The following PCDH7 variants were observed in gnomAD, a reference collection of about 807,000 sequenced individuals.
PCDH7 encodes the protein protocadherin-7.
PCDH7 carries 17 observed loss-of-function variants against 58.9 expected under a neutral mutation model. That is an observed-to-expected ratio of 0.29 (90% CI 0.20 to 0.43). The LOEUF (loss-of-function observed/expected upper bound fraction) is 0.43, where lower values mean the gene tolerates loss of function less well. Among genes scored for constraint, PCDH7 ranks in the 20% least tolerant of loss-of-function variants. PCDH7 has a pLI of 1.00. For missense variants in PCDH7, 1,274 were observed against 1,441.0 expected (o/e 0.88, Z 1.88); for synonymous variants, 664 against 616.4 (o/e 1.08, Z -1.14).
intron 3 of PCDH7, among the ~76,000 whole-genome samples, chr4:31,013,123 G>C (rs1397332702): frequency 6.7e-6 from 1 of 150,372 alleles, no homozygotes; most frequent in Non-Finnish European, 1.5e-5. Context: ...GGAGTTTGAG[G>C]CTGCAGTGAG....
rs536886904 is a variant in PCDH7 at position 30,760,981 on chromosome 4, G to A, written c.70+36385G>A. Among the ~76,000 whole-genome samples, 38 of 152,230 alleles carry A rather than the reference G, an allele frequency of 2.5e-4. No homozygotes were observed. In the South Asian group the frequency reaches 6.8e-3, roughly 27 times the overall value. On this transcript the variant is annotated intron_variant, in intron 1 of 3. Transcript: ENST00000509759. ...TTCCATTCAACTTGAAAAATGAGAC[G>A]TCTGTAAATTCTCCTTAATCTTGAT...
chr4:31,078,918 T>G (rs946359485), intron 3 of PCDH7, among the ~76,000 whole-genome samples: 6 of 151,906 alleles, frequency 3.9e-5, no homozygotes, highest in Non-Finnish European at 8.8e-5. Flanking sequence ...TAGGTCCACA[T>G]ATATGTGGAT....
At chr4:30,971,230 G>A (rs148185649) in intron 3 of PCDH7, among the ~76,000 whole-genome samples, 3 of 152,140 alleles carry the variant, frequency 2.0e-5, no homozygotes, top group African/African-American at 7.2e-5. Context: ...ATAATAAGCA[G>A]TATCTTAAGA....
intron 1 of PCDH7, among the ~76,000 whole-genome samples, chr4:30,799,050 C>T (rs1381610468): frequency 2.0e-5 from 3 of 152,154 alleles, no homozygotes; most frequent in Non-Finnish European, 4.4e-5. Flanking sequence ...TCTGGCAGTT[C>T]TGTGACAGTG....
At chr4:30,973,804 G>A (rs148499154) in intron 3 of PCDH7, among the ~76,000 whole-genome samples, 118 of 151,094 alleles carry the variant, frequency 7.8e-4, no homozygotes, top group African/African-American at 2.8e-3. Flanking sequence ...TCTCCATTTC[G>A]CCTCGAGAAA....
At chr4:31,049,667 C>T (rs1756583550) in intron 3 of PCDH7, among the ~76,000 whole-genome samples, 1 of 152,086 alleles carries the variant, frequency 6.6e-6, no homozygotes, top group Non-Finnish European at 1.5e-5. Flanking sequence ...GTTACAGGGT[C>T]AGACGCCTTC....
chr4:31,117,666 T>C (rs1302801779), intron 3 of PCDH7, among the ~76,000 whole-genome samples: 2 of 152,314 alleles, frequency 1.3e-5, no homozygotes, highest in Admixed American at 1.3e-4. Flanking sequence ...CTACATTTGT[T>C]CCTTGATAGA....
intron 3 of PCDH7, among the ~76,000 whole-genome samples, chr4:31,080,778 C>A (rs540930448): frequency 1.3e-5 from 2 of 152,214 alleles, no homozygotes; most frequent in South Asian, 4.1e-4. Flanking sequence ...GTGTCCCAAC[C>A]CAAATCTCAT....
rs116452048 is a variant in PCDH7, at chr4:31,110,351, C to T, written c.*8-32122C>T. ...TAATAAAATATCTCATAACCTCGTA[C>T]AAGTTTTAAATTGTGTTCATGATTT... On this transcript the variant is annotated intron_variant, in intron 3 of 3. Transcript: ENST00000509759. Among the ~76,000 whole-genome samples, 636 of 152,270 alleles carry T rather than the reference C, an allele frequency of 4.2e-3. 9 individuals carry two copies. Among genetic ancestry groups the T allele is most frequent in the African/African-American group, 0.015 (618 of 41,556 alleles).
intron 1 of PCDH7, among the ~76,000 whole-genome samples, chr4:30,840,076 G>A (rs1731015123): frequency 6.6e-6 from 1 of 151,744 alleles, no homozygotes; most frequent in Non-Finnish European, 1.5e-5. Flanking sequence ...GTTTGGAGGA[G>A]TAGGGGTAGT....
intron 3 of PCDH7, among the ~76,000 whole-genome samples, chr4:31,127,342 C>T (rs951326097): frequency 6.6e-5 from 10 of 152,086 alleles, no homozygotes; most frequent in African/African-American, 1.9e-4. Flanking sequence ...AGCGCAGACA[C>T]GTTTAACTAA....
At chr4:31,117,953 T>G (rs563723779) in intron 3 of PCDH7, among the ~76,000 whole-genome samples, 6 of 152,216 alleles carry the variant, frequency 3.9e-5, no homozygotes, top group Admixed American at 1.3e-4. Flanking sequence ...CCTGGAACAT[T>G]TCACTTAATT....
At chr4:30,900,172 TC>T (rs746889009) in intron 1 of PCDH7, among the ~76,000 whole-genome samples, 1 of 152,070 alleles carries the variant, frequency 6.6e-6, no homozygotes, top group Non-Finnish European at 1.5e-5. Flanking sequence ...ATTCCCATTT[TC>T]CCCCCATATT....
chr4:30,751,004 CTG>C (rs1040906145), intron 1 of PCDH7, among the ~76,000 whole-genome samples: 17 of 152,074 alleles, frequency 1.1e-4, no homozygotes, highest in African/African-American at 3.6e-4. Context: ...AAAAATTGTC[CTG>C]TGTTATGGTG....
intron 3 of PCDH7, among the ~76,000 whole-genome samples, chr4:30,971,138 T>C (rs1299225082): frequency 1.3e-5 from 2 of 152,326 alleles, no homozygotes; most frequent in East Asian, 3.9e-4. Context: ...CTGTGTTAAG[T>C]TGAAAGGTGA....
intron 1 of PCDH7, among the ~76,000 whole-genome samples, chr4:30,827,839 T>A (rs777761462): frequency 7.2e-5 from 11 of 152,100 alleles, no homozygotes; most frequent in Non-Finnish European, 1.3e-4. Flanking sequence ...ATGTTTAGGA[T>A]CAAGTTGTTG....
chr4:31,117,510 A>AT (rs1226354068), intron 3 of PCDH7, among the ~76,000 whole-genome samples: 3 of 151,912 alleles, frequency 2.0e-5, no homozygotes, highest in Non-Finnish European at 2.9e-5. Context: ...TTATCCCCCA[A>AT]TTTTTTATCA....
chr4:30,724,358 G>C, exon 1 of PCDH7: 1 of 1,614,064 alleles, frequency 6.2e-7, no homozygotes. Flanking sequence ...AGCATGGGGC[G>C]ATACAGGTCC....
At chr4:31,115,996 C>G (rs533747051) in intron 3 of PCDH7, among the ~76,000 whole-genome samples, 2 of 152,130 alleles carry the variant, frequency 1.3e-5, no homozygotes, top group Non-Finnish European at 2.9e-5. Context: ...GATGTAATAA[C>G]TCTTCATTGT....
Sources: allele counts gnomAD v4.1 joint callset (sites outside exome capture counted in the v4.1 genomes callset), GRCh38; gene constraint gnomAD v4.1.1; transcripts MANE v1.5; gene names NCBI Gene and HGNC (gene_info 2026-07-23, HGNC 2026-07-21).